SLC9A1: variants seen among roughly 807,000 people sequenced by gnomAD.
SLC9A1 encodes the protein sodium/hydrogen exchanger 1.
Under a neutral mutation model 67.9 loss-of-function variants are expected in SLC9A1, and 22 were observed. That is an observed-to-expected ratio of 0.32 (90% confidence interval 0.23 to 0.46). The LOEUF is 0.46. Among genes scored for constraint, SLC9A1 ranks in the 20% least tolerant of loss-of-function variants. The pLI, the probability that SLC9A1 is intolerant of heterozygous loss-of-function variation, is 1.00. For synonymous variants in SLC9A1, 421 were observed against 471.8 expected, an observed-to-expected ratio of 0.89 and a Z score of 1.40; for missense variants, 686 against 1,094.8, an observed-to-expected ratio of 0.63 and a Z score of 5.27.
intron 1 of SLC9A1, among the ~76,000 whole-genome samples, chr1:27,122,153 G>A (rs2083308484): frequency 6.6e-6 from 1 of 152,000 alleles, no homozygotes; most frequent in African/African-American, 2.4e-5. Context: ...CCCCAGTGCA[G>A]GTGTCACCTC....
At position 27,102,400 on chromosome 1, in the gene SLC9A1, G is replaced by A; in HGVS notation, c.1805C>T (p.Ser602Phe). 1 of 1,593,930 alleles carries A rather than the reference G, an allele frequency of 6.3e-7. No homozygotes were observed. The highest frequency in any genetic ancestry group is 8.6e-7 in the Non-Finnish European group (1 of 1,165,260). The part of the protein sequence containing the change: ...GGMGKIPSAV[S>F]TVSMQNIHPK... ...CAGCACTCACTGCATGGAGACGGTG[G>A]AGACGGCAGAGGGGATCTTGCCCAT... Residue 602 changes from serine to phenylalanine, a missense_variant, in exon 8 of 12, where the codon TCC (serine) becomes TTC (phenylalanine). Physicochemically the swap from Ser to Phe is radical, Grantham distance 155. This residue lies in a region of SLC9A1 where 168 missense variants were observed against 375.4 expected (regional missense o/e 0.45). Transcript: ENST00000263980.
intron 1 of SLC9A1, among the ~76,000 whole-genome samples, chr1:27,119,863 T>C (rs2083293842): frequency 6.6e-6 from 1 of 152,000 alleles, no homozygotes; most frequent in Admixed American, 6.6e-5. Flanking sequence ...CAGCGGTAGG[T>C]TTTTCTTTCC....
At chr1:27,141,004 T>C (rs2083450212) in intron 1 of SLC9A1, among the ~76,000 whole-genome samples, 3 of 152,060 alleles carry the variant, frequency 2.0e-5, no homozygotes, top group Admixed American at 2.0e-4. Flanking sequence ...GGTCAGGGGT[T>C]CAAAACCAGC....
chr1:27,125,333 C>T (rs2083335782), intron 1 of SLC9A1, among the ~76,000 whole-genome samples: 1 of 148,202 alleles, frequency 6.7e-6, no homozygotes, highest in Non-Finnish European at 1.5e-5. Context: ...TCAACCTCCG[C>T]CTCCTGGGTT....
chr1:27,104,021 A>C (rs899787131), intron 5 of SLC9A1: 3 of 152,224 alleles, frequency 2.0e-5, no homozygotes, highest in African/African-American at 7.2e-5. Flanking sequence ...CAAGGTAAAA[A>C]AAATTTTTTG....
Position 27,154,840 on chromosome 1 carries a change from GAGA to G in SLC9A1, c.-509_-507del, listed in dbSNP as rs145861940. ...AGAGAGGGGGCTGGGAGCCCAGGCT[GAGA>G]AGGAGTGAAACCGGGAAGCGGCCGG... On this transcript the variant is annotated 5_prime_UTR_variant, in exon 1 of 12. Coordinates refer to ENST00000263980, the MANE Select transcript of SLC9A1 (RefSeq NM_003047.5). The G allele has an allele frequency of 0.022, 3,440 of 153,400 alleles. 129 individuals are homozygous for G. Among genetic ancestry groups the G allele is most frequent in the African/African-American group, 0.076 (3,171 of 41,600 alleles). 9.5% of individuals were successfully genotyped at this position (153,400 alleles called of 1,614,324 possible).
intron 1 of SLC9A1, among the ~76,000 whole-genome samples, chr1:27,150,938 G>A (rs1336784025): frequency 2.0e-5 from 3 of 152,162 alleles, no homozygotes; most frequent in Admixed American, 6.6e-5. Context: ...TCCTACCCAC[G>A]CAGGGGTGTT....
At position 27,109,495 on chromosome 1, in the gene SLC9A1, C is replaced by T; in HGVS notation, c.1064+32G>A. ...GCTGGCAGCCCCCGCCCCCACCCCG[C>T]CAAGCCCACTGCCTGCTGCACGCAG... On this transcript the variant is annotated intron_variant, in intron 3 of 11. Coordinates refer to ENST00000263980, the MANE Select transcript of SLC9A1 (RefSeq NM_003047.5). This position sits in a 1 kb window ranked among gnomAD's most constrained non-coding sequence, Gnocchi z 5.5. 6.2e-7 allele frequency: 1 copy of T among 1,607,432 alleles called. No homozygotes were observed. The highest frequency in any genetic ancestry group is 8.5e-7 in the Non-Finnish European group (1 of 1,178,582).
intron 1 of SLC9A1, among the ~76,000 whole-genome samples, chr1:27,116,251 T>C (rs1331074149): frequency 3.9e-5 from 6 of 151,982 alleles, no homozygotes; most frequent in East Asian, 3.9e-4. Context: ...TCCCAGCTAC[T>C]TGGGAGGCTG....
At position 27,137,170 on chromosome 1, in the gene SLC9A1, C is replaced by G. The variant is rs994769007; in HGVS notation, c.352+16813G>C. The stretch of plus-strand genomic sequence containing the variant: ...CGCTTCCAGGGTGGGAACCACCAAC[C>G]ACGCAACTGTGTCTGCTGCATGGTA... On this transcript the variant is annotated intron_variant, in intron 1 of 11. Transcript: ENST00000263980. The surrounding 1 kb of genome is among the most constrained non-coding windows in gnomAD (Gnocchi z 4.6). 2.6e-5 allele frequency among the ~76,000 whole-genome samples: 4 copies of G among 152,264 alleles called. No homozygotes were observed. The highest frequency in any genetic ancestry group is 9.6e-5 in the African/African-American group (4 of 41,468).
chr1:27,117,225 A>C (rs781744850), intron 1 of SLC9A1, among the ~76,000 whole-genome samples: 7 of 152,116 alleles, frequency 4.6e-5, no homozygotes, highest in Non-Finnish European at 5.9e-5. Context: ...AAGCAGGATG[A>C]AGATTTAGGG....
At position 27,109,477 on chromosome 1, in the gene SLC9A1, G is replaced by GCCCCCCCCC; in HGVS notation, c.1064+49_1064+50insGGGGGGGGG. The GCCCCCCCCC allele has an allele frequency of 1.9e-6, 3 of 1,591,856 alleles. No individual in the cohort carries two copies. The highest frequency in any genetic ancestry group is 1.7e-5 in the Admixed American group (1 of 59,816). On this transcript the variant is annotated intron_variant, in intron 3 of 11. Coordinates refer to ENST00000263980, the MANE Select transcript of SLC9A1 (RefSeq NM_003047.5). This position sits in a 1 kb window ranked among gnomAD's most constrained non-coding sequence, Gnocchi z 5.5. ...CGAGCCTGGGGAATCCAAGCTGGCAGCCCCCGCCCCCACCCCGCCAAGCCC... is the reference window on the plus strand; with the variant it reads ...CGAGCCTGGGGAATCCAAGCTGGCAGCCCCCCCCCCCCCCGCCCCCACCCCGCCAAGCCC...
At chr1:27,102,634 C>T in intron 7 of SLC9A1, 39 bp downstream of exon 7, 1 of 1,612,362 alleles carries the variant, frequency 6.2e-7, no homozygotes, top group Non-Finnish European at 8.5e-7. Flanking sequence ...GAGACCCTTG[C>T]CTGCCCCTCC....
At chr1:27,111,715 G>C (rs1291490626) in intron 2 of SLC9A1, among the ~76,000 whole-genome samples, 1 of 152,172 alleles carries the variant, frequency 6.6e-6, no homozygotes, top group Non-Finnish European at 1.5e-5. Context: ...GAGGCTAAGA[G>C]GGGATGATCA....
chr1:27,122,377 G>A (rs2124169850), intron 1 of SLC9A1, among the ~76,000 whole-genome samples: 1 of 152,318 alleles, frequency 6.6e-6, no homozygotes, highest in South Asian at 2.1e-4. Flanking sequence ...TCAAAGGTGG[G>A]TGACTAAAGG....
rs772086866 is a variant in SLC9A1, at chr1:27,100,595, G to T, written c.2160C>A (p.Asp720Glu). 3 of 1,613,658 alleles carry T rather than the reference G, an allele frequency of 1.9e-6. No homozygotes were observed. The Admixed American group carries it at 5.0e-5, about 27-fold the overall frequency. ...ACTCGGGTGACTGCGGGGAAGCCGG[G>T]TCGATGGTGATGACAGGCAGGTCCT... ...PKEDLPVITIDPASPQSPESV... is the reference protein window; with the variant it reads ...PKEDLPVITIEPASPQSPESV... The change falls in exon 12 of 12, where the codon GAC becomes GAA. Residue 720 changes from aspartate (D) to glutamate (E), a missense_variant. By Grantham distance (45) the Asp-to-Glu change is conservative (BLOSUM62 2). Transcript: ENST00000263980. The surrounding 1 kb of genome is among the most constrained non-coding windows in gnomAD (Gnocchi z 5.6).
intron 1 of SLC9A1, among the ~76,000 whole-genome samples, chr1:27,116,181 G>A (rs1457762365): frequency 6.6e-6 from 1 of 152,166 alleles, no homozygotes; most frequent in Non-Finnish European, 1.5e-5. Flanking sequence ...CCAATATGGT[G>A]AAACCCTGTC....
intron 1 of SLC9A1, among the ~76,000 whole-genome samples, chr1:27,149,321 T>C (rs985722291): frequency 6.6e-6 from 1 of 152,220 alleles, no homozygotes; most frequent in Non-Finnish European, 1.5e-5. Context: ...CAATTTGACA[T>C]CACTGAAGAT....
At chr1:27,134,380 C>T (rs1392400126) in intron 1 of SLC9A1, among the ~76,000 whole-genome samples, 3 of 152,226 alleles carry the variant, frequency 2.0e-5, no homozygotes, top group African/African-American at 7.2e-5. Context: ...AACCAGCACA[C>T]ATCACTTTTC....
Sources: allele counts gnomAD v4.1 joint callset (sites outside exome capture counted in the v4.1 genomes callset), GRCh38; gene constraint gnomAD v4.1.1; regional missense constraint gnomAD v4.1.1; non-coding constraint Gnocchi (gnomAD v3.1); transcripts MANE v1.5; gene names NCBI Gene and HGNC (gene_info 2026-07-23, HGNC 2026-07-21).